The following RIC8B variants were observed in gnomAD, a reference collection of about 807,000 sequenced individuals.
The protein encoded by RIC8B is RIC8 guanine nucleotide exchange factor B, also known as chaperone Ric-8B.
RIC8B carries 16 observed loss-of-function variants against 57.5 expected under a neutral mutation model. The ratio of observed to expected loss-of-function variants is 0.28; its 90% CI spans 0.19 to 0.42. RIC8B has a LOEUF of 0.42. Among genes scored for constraint, RIC8B ranks in the 10% least tolerant of loss-of-function variants. RIC8B has a pLI of 1.00. For missense variants in RIC8B, 481 were observed against 677.0 expected (o/e 0.71, Z 3.21); for synonymous variants, 216 against 250.8 (o/e 0.86, Z 1.31).
intron 2 of RIC8B, among the ~76,000 whole-genome samples, chr12:106,807,575 G>A (rs2045100728): frequency 6.6e-6 from 1 of 152,204 alleles, no homozygotes; most frequent in African/African-American, 2.4e-5. Context: ...TTTCATTCTA[G>A]TGGCAAGAGC....
intron 2 of RIC8B, among the ~76,000 whole-genome samples, chr12:106,795,116 T>G (rs1233078035): frequency 1.3e-5 from 2 of 151,970 alleles, no homozygotes; most frequent in African/African-American, 4.8e-5. Flanking sequence ...GGCTAATATA[T>G]CAAAAGCTAT....
At chr12:106,813,456 C>T (rs1470016983) in intron 2 of RIC8B, among the ~76,000 whole-genome samples, 2 of 152,150 alleles carry the variant, frequency 1.3e-5, no homozygotes, top group Non-Finnish European at 2.9e-5. Context: ...TCTTGAAGTG[C>T]TGGGATTACA....
At chr12:106,841,327 C>CT (rs1948934378) in intron 4 of RIC8B, among the ~76,000 whole-genome samples, 2 of 152,060 alleles carry the variant, frequency 1.3e-5, no homozygotes, top group African/African-American at 2.4e-5. Context: ...TCTGCATTGT[C>CT]TAACTTTTCA....
At chr12:106,860,472 T>A in intron 8 of RIC8B, 60 bp downstream of exon 8, 2 of 1,232,084 alleles carry the variant, frequency 1.6e-6, no homozygotes, top group South Asian at 4.4e-5. Context: ...GGTTATTTCC[T>A]TTGTCTTTCA....
intron 2 of RIC8B, among the ~76,000 whole-genome samples, chr12:106,803,118 A>G (rs77429753): frequency 0.11 from 16,507 of 148,694 alleles, 1,033 homozygotes; most frequent in Middle Eastern, 0.16. Context: ...AGGGTGAGGC[A>G]GGAGGATCCT....
chr12:106,849,864 T>G (rs896545536), intron 6 of RIC8B, among the ~76,000 whole-genome samples: 10 of 152,222 alleles, frequency 6.6e-5, no homozygotes, highest in Admixed American at 2.0e-4. Context: ...CTATAGCTCT[T>G]TGTAAAATCC....
Position 106,777,795 on chromosome 12 carries a change from A to G in RIC8B, c.84+2966A>G, listed in dbSNP as rs75597143. Among the ~76,000 whole-genome samples, 29 of 152,354 alleles carry G rather than the reference A, an allele frequency of 1.9e-4. No individual in the cohort carries two copies. In the East Asian group the frequency reaches 5.4e-3, roughly 28 times the overall value. ...TCTCTTAAATTATTGTGAGGATTAC[A>G]TTAAATGAAATATAATGCCAACACT... On this transcript the variant is annotated intron_variant, in intron 1 of 9. Transcript: ENST00000392837.
At position 106,842,883 on chromosome 12, in the gene RIC8B, A is replaced by G. The variant is rs1949021150; in HGVS notation, c.1065+66A>G. 5.6e-5 allele frequency: 52 copies of G among 926,702 alleles called. No individual in the cohort carries two copies. The South Asian group carries it at 7.4e-4, about 13-fold the overall frequency. The allele number at this position is 926,702 out of a possible 1,614,324, so 57.4% of individuals were successfully genotyped here. A position where few individuals can be genotyped will look rare whatever the true frequency, so the allele number is the denominator to read the frequency against. ...AAGAATGTAAATGTGCCATACATACAGACACACATCACAGAGCATGATTTT... is the reference window on the plus strand; with the variant it reads ...AAGAATGTAAATGTGCCATACATACGGACACACATCACAGAGCATGATTTT... On this transcript the variant is annotated intron_variant, in intron 5 of 9. Coordinates refer to ENST00000392837, the MANE Select transcript of RIC8B (RefSeq NM_001330145.2).
Position 106,883,867 on chromosome 12 carries a change from A to G in RIC8B, c.1572-2037A>G, listed in dbSNP as rs1194547716. On this transcript the variant is annotated intron_variant, in intron 9 of 9. Transcript: ENST00000392837. ...TTTGGCATTTAAGACATTTTTGACT[A>G]TTGCATCCCAAACTACCCTTGCAGC... Among the ~76,000 whole-genome samples the G allele has an allele frequency of 2.6e-5, 4 of 152,268 alleles. No homozygotes were observed. The East Asian group carries it at 7.7e-4, about 29-fold the overall frequency.
In RIC8B at chr12:106,842,713, G is replaced by A; in HGVS notation, c.961G>A (p.Ala321Thr). 6.2e-7 allele frequency: 1 copy of A among 1,613,910 alleles called. No individual in the cohort carries two copies. The highest frequency in any genetic ancestry group is 8.5e-7 in the Non-Finnish European group (1 of 1,179,830). ...TLDELPSNKTAEKETVLKNNT... is the reference protein window; with the variant it reads ...TLDELPSNKTTEKETVLKNNT... The stretch of plus-strand genomic sequence containing the variant: ...AGATGAACTGCCCAGTAATAAAACA[G>A]CTGAGAAAGAAACAGTTTTGAAAAA... The change falls in exon 5 of 10, where the codon GCT (alanine) becomes ACT (threonine). Residue 321 changes from alanine (A) to threonine (T), a missense_variant. Around this residue, in one of 3 missense-constraint regions of RIC8B, gnomAD observed 421 missense variants for 560.9 expected, o/e 0.75. Transcript: ENST00000392837.
chr12:106,817,601 C>T (rs1422192193), intron 3 of RIC8B, among the ~76,000 whole-genome samples: 2 of 151,870 alleles, frequency 1.3e-5, no homozygotes, highest in South Asian at 2.1e-4. Context: ...GGGGAGATCA[C>T]GAGGTCAGGA....
At chr12:106,800,223 G>T (rs971501158) in intron 2 of RIC8B, among the ~76,000 whole-genome samples, 1 of 152,130 alleles carries the variant, frequency 6.6e-6, no homozygotes, top group African/African-American at 2.4e-5. Context: ...AAGAAAAGAG[G>T]TTTAATTGGC....
At chr12:106,854,797 AAAAG>A (rs1343968818) in intron 7 of RIC8B, among the ~76,000 whole-genome samples, 3 of 152,122 alleles carry the variant, frequency 2.0e-5, no homozygotes, top group Admixed American at 1.3e-4. Context: ...CAAAAAAGAA[AAAAG>A]AAAGAGGTAA....
intron 1 of RIC8B, 65 bp downstream of exon 1, chr12:106,774,894 C>T (rs1472339736): frequency 2.5e-6 from 3 of 1,205,514 alleles, no homozygotes; most frequent in South Asian, 1.4e-5. Flanking sequence ...GCTTGCACAT[C>T]GCATCCTTCC....
At chr12:106,823,775 C>T (rs1341320221) in intron 3 of RIC8B, among the ~76,000 whole-genome samples, 1 of 151,700 alleles carries the variant, frequency 6.6e-6, no homozygotes, top group East Asian at 1.9e-4. Flanking sequence ...ACCTCCGCCT[C>T]CTGGGTTCAA....
intron 9 of RIC8B, chr12:106,878,906 A>C (rs2136655366): frequency 1.1e-6 from 1 of 878,308 alleles, no homozygotes; most frequent in African/African-American, 1.8e-5. Context: ...GTACTCAATT[A>C]GAGGGAGGTG....
chr12:106,795,149 C>G (rs2044420648), intron 2 of RIC8B, among the ~76,000 whole-genome samples: 2 of 151,968 alleles, frequency 1.3e-5, no homozygotes, highest in Admixed American at 6.6e-5. Context: ...GTTCTCCCAG[C>G]TTCTTTAAAA....
intron 6 of RIC8B, among the ~76,000 whole-genome samples, chr12:106,850,241 G>A (rs1056716548): frequency 6.6e-6 from 1 of 152,210 alleles, no homozygotes; most frequent in Non-Finnish European, 1.5e-5. Context: ...AACTGGCCAA[G>A]TCCCTGGTGC....
At chr12:106,818,307 CA>C (rs1219087103) in intron 3 of RIC8B, among the ~76,000 whole-genome samples, 1 of 152,016 alleles carries the variant, frequency 6.6e-6, no homozygotes, top group Non-Finnish European at 1.5e-5. Flanking sequence ...GCTGGGATTA[CA>C]GGCGTGCGCC....
Sources: gnomAD v4.1 joint callset for allele counts (sites outside exome capture counted in the v4.1 genomes callset) on GRCh38, gnomAD v4.1.1 for gene constraint, gnomAD v4.1.1 regional missense constraint, MANE v1.5 for transcripts, NCBI Gene and HGNC (gene_info 2026-07-23, HGNC 2026-07-21) for gene names.